PRKG1: variants seen among roughly 807,000 people sequenced by gnomAD.
The protein encoded by PRKG1 is cGMP-dependent protein kinase 1.
In PRKG1, 35 loss-of-function variants were observed where a neutral mutation model predicts 88.1. That is an observed-to-expected ratio of 0.40 (90% CI 0.30 to 0.53). PRKG1 has a LOEUF of 0.53. PRKG1 is among the 20% of genes least tolerant of loss of function. The pLI is 0.59. For missense variants in PRKG1, 540 were observed against 839.8 expected, an observed-to-expected ratio of 0.64 and a Z score of 4.41; for synonymous variants, 303 against 292.5, an observed-to-expected ratio of 1.04 and a Z score of -0.37.
chr10:51,090,346 A>G (rs1262553909), intron 1 of PRKG1, among the ~76,000 whole-genome samples: 3 of 152,202 alleles, frequency 2.0e-5, no homozygotes, highest in East Asian at 3.9e-4. Context: ...GTAGAGCCCA[A>G]CACAACCCAG....
rs1564619738 is a variant in PRKG1 at position 51,153,240 on chromosome 10, A to C, written c.388A>C (p.Ile130Leu). Residue 130 changes from isoleucine (I) to leucine (L), a missense_variant, in exon 2 of 18, where the codon ATT (isoleucine) becomes CTT (leucine). Physicochemically the swap from Ile to Leu is conservative, Grantham distance 5 (BLOSUM62 2). Around this residue, in one of 5 missense-constraint regions of PRKG1, gnomAD observed 400 missense variants for 562.7 expected, o/e 0.71. Coordinates refer to ENST00000373980, the MANE Select transcript of PRKG1 (RefSeq NM_006258.4). Reference protein sequence around the residue: ...KNLELSQIQEIVDCMYPVEYG... With the variant: ...KNLELSQIQELVDCMYPVEYG... ...CTTGGAGCTGTCGCAGATCCAGGAGATTGTGGATTGTATGTACCCGGTGGA... is the reference window on the plus strand; with the variant it reads ...CTTGGAGCTGTCGCAGATCCAGGAGCTTGTGGATTGTATGTACCCGGTGGA... The C allele has an allele frequency of 6.2e-7, 1 of 1,612,504 alleles. No homozygotes were observed. Among genetic ancestry groups the C allele is most frequent in the East Asian group, 2.2e-5 (1 of 44,850 alleles).
At chr10:51,332,995 C>G (rs972745915) in intron 2 of PRKG1, among the ~76,000 whole-genome samples, 29 of 152,310 alleles carry the variant, frequency 1.9e-4, no homozygotes, top group African/African-American at 6.7e-4. Flanking sequence ...CAATTATTAT[C>G]TCATCTTGAA....
chr10:52,287,079 C>T (rs1043398383), intron 14 of PRKG1, among the ~76,000 whole-genome samples: 1 of 151,688 alleles, frequency 6.6e-6, no homozygotes, highest in Non-Finnish European at 1.5e-5. Context: ...TTTTAGTTTT[C>T]TAAGATAAGC....
chr10:51,627,951 T>TTCCC, intron 3 of PRKG1, among the ~76,000 whole-genome samples: 1 of 20,848 alleles, frequency 4.8e-5, no homozygotes, highest in Non-Finnish European at 1.5e-4. Context: ...CCTTTCTTTC[T>TTCCC]TTCTTTCTTT....
At chr10:51,629,539 G>A (rs1003095753) in intron 3 of PRKG1, among the ~76,000 whole-genome samples, 1 of 151,874 alleles carries the variant, frequency 6.6e-6, no homozygotes, top group African/African-American at 2.4e-5. Context: ...TGCTGTCGCT[G>A]CAGAAAACCC....
At chr10:51,048,583 A>G (rs1473318389) in intron 1 of PRKG1, among the ~76,000 whole-genome samples, 1 of 152,166 alleles carries the variant, frequency 6.6e-6, no homozygotes, top group Admixed American at 6.5e-5. Flanking sequence ...AAATGGTATT[A>G]AGCTTCATGT....
At chr10:51,971,125 T>A (rs1020385487) in intron 5 of PRKG1, among the ~76,000 whole-genome samples, 6 of 151,838 alleles carry the variant, frequency 4.0e-5, no homozygotes, top group African/African-American at 1.4e-4. Flanking sequence ...CGTGAATGAA[T>A]CCATAGCATT....
chr10:51,539,786 A>T lies in PRKG1; in HGVS notation c.592+71950A>T, dbSNP rs1013722181. 3.9e-5 allele frequency among the ~76,000 whole-genome samples: 6 copies of T among 152,322 alleles called. No homozygotes were observed. The East Asian group carries it at 1.2e-3, about 29-fold the overall frequency. ...GAATTTTTTGTCCTACTTCAAATGT[A>T]TCCAACCAAGTAATTTTTGACTAGT... is the stretch of plus-strand genomic sequence containing the variant. On this transcript the variant is annotated intron_variant, in intron 3 of 17. Transcript: ENST00000373980.
intron 4 of PRKG1, 108 bp from the exon 5 acceptor site, chr10:51,907,399 C>A: frequency 1.2e-6 from 1 of 835,700 alleles, no homozygotes; most frequent in Non-Finnish European, 1.7e-6. Context: ...TGGCAGATTC[C>A]TTGTCATGAA....
At chr10:52,198,210 G>A (rs1839559991) in intron 9 of PRKG1, among the ~76,000 whole-genome samples, 1 of 152,164 alleles carries the variant, frequency 6.6e-6, no homozygotes, top group Non-Finnish European at 1.5e-5. Context: ...ATGGTTTCGA[G>A]AAACTAAATT....
chr10:51,337,760 G>A (rs1374465722), intron 2 of PRKG1, among the ~76,000 whole-genome samples: 1 of 152,174 alleles, frequency 6.6e-6, no homozygotes, highest in Admixed American at 6.5e-5. Flanking sequence ...ACAGATGCTG[G>A]TGAGGTTGCG....
chr10:52,274,274 C>G (rs1050544567), intron 12 of PRKG1, among the ~76,000 whole-genome samples: 19 of 149,222 alleles, frequency 1.3e-4, no homozygotes, highest in African/African-American at 4.2e-4. Context: ...CCCTCACCCC[C>G]CTCCGACTCT....
chr10:52,249,828 TA>T (rs1410192443), intron 9 of PRKG1, among the ~76,000 whole-genome samples: 1 of 140,310 alleles, frequency 7.1e-6, no homozygotes, highest in African/African-American at 2.5e-5. Flanking sequence ...AGACTCTGTC[TA>T]AAAAAAACAA....
chr10:51,554,646 C>T (rs371199959), intron 3 of PRKG1, among the ~76,000 whole-genome samples: 1 of 150,970 alleles, frequency 6.6e-6, no homozygotes, highest in Non-Finnish European at 1.5e-5. Context: ...TCTGTAATCA[C>T]TGGTTTCCTT....
chr10:51,095,314 C>G (rs564981838), intron 1 of PRKG1, among the ~76,000 whole-genome samples: 8 of 152,190 alleles, frequency 5.3e-5, no homozygotes, highest in African/African-American at 1.9e-4. Context: ...TAGTTTTTCT[C>G]TTCTATATGA....
chr10:51,332,074 T>C (rs931974126), intron 2 of PRKG1, among the ~76,000 whole-genome samples: 1 of 152,202 alleles, frequency 6.6e-6, no homozygotes, highest in African/African-American at 2.4e-5. Flanking sequence ...GGGAAAGACT[T>C]ACCTCATCAA....
intron 4 of PRKG1, among the ~76,000 whole-genome samples, chr10:51,817,937 T>C (rs1222389899): frequency 6.6e-6 from 1 of 152,210 alleles, no homozygotes; most frequent in Non-Finnish European, 1.5e-5. Flanking sequence ...GTAAGACTTA[T>C]GTATAAACAA....
intron 1 of PRKG1, among the ~76,000 whole-genome samples, chr10:51,063,757 A>G (rs1462902997): frequency 6.6e-6 from 1 of 152,182 alleles, no homozygotes; most frequent in East Asian, 1.9e-4. Flanking sequence ...TTAATGTCAA[A>G]AGGAAACCAG....
intron 4 of PRKG1, among the ~76,000 whole-genome samples, chr10:51,901,317 T>C (rs1420181603): frequency 6.6e-6 from 1 of 152,210 alleles, no homozygotes; most frequent in Admixed American, 6.6e-5. Flanking sequence ...TTTGTTCTGG[T>C]TCTAGAAGCA....
Sources: gnomAD v4.1 joint callset for allele counts (sites outside exome capture counted in the v4.1 genomes callset) on GRCh38, gnomAD v4.1.1 for gene constraint, gnomAD v4.1.1 regional missense constraint, MANE v1.5 for transcripts, NCBI Gene and HGNC (gene_info 2026-07-23, HGNC 2026-07-21) for gene names.